The following DLGAP2 variants were observed in gnomAD, a reference collection of about 807,000 sequenced individuals.
DLGAP2 encodes the protein DLG associated protein 2.
In DLGAP2, 26 loss-of-function variants were observed where a neutral mutation model predicts 100.3. That is an observed-to-expected ratio of 0.26 (90% CI 0.19 to 0.36). The LOEUF is 0.36. DLGAP2 is among the 10% of genes least tolerant of loss of function. DLGAP2 has a pLI of 1.00. For synonymous variants in DLGAP2, 886 were observed against 630.1 expected (o/e 1.41, Z -6.08); for missense variants, 1,858 against 1,453.2 (o/e 1.28, Z -4.53).
intron 1 of DLGAP2, among the ~76,000 whole-genome samples, chr8:836,216 C>A (rs1334778942): frequency 2.0e-5 from 3 of 152,198 alleles, no homozygotes; most frequent in African/African-American, 7.2e-5. Flanking sequence ...CCGGAAAGCC[C>A]CGGCCGCCTC....
chr8:1,330,576 G>C (rs549104123), intron 3 of DLGAP2, among the ~76,000 whole-genome samples: 1 of 148,158 alleles, frequency 6.7e-6, no homozygotes. Flanking sequence ...ACTGAGTTCT[G>C]TGTGGGAGCA....
chr8:1,234,618 A>G (rs1798604729), intron 2 of DLGAP2, among the ~76,000 whole-genome samples: 1 of 152,198 alleles, frequency 6.6e-6, no homozygotes, highest in Non-Finnish European at 1.5e-5. Flanking sequence ...AGGCTGTTCT[A>G]GATGGTTTCA....
chr8:1,639,660 G>T (rs775217699), intron 8 of DLGAP2, among the ~76,000 whole-genome samples: 1 of 152,216 alleles, frequency 6.6e-6, no homozygotes, highest in Non-Finnish European at 1.5e-5. Flanking sequence ...CAGATGTGCC[G>T]TCTCACAGTC....
intron 2 of DLGAP2, among the ~76,000 whole-genome samples, chr8:1,117,993 T>C (rs1307916849): frequency 6.6e-6 from 1 of 152,244 alleles, no homozygotes; most frequent in Non-Finnish European, 1.5e-5. Flanking sequence ...CCAATGAAAT[T>C]ATAAAGCAAA....
At chr8:900,011 A>T (rs1798217993) in intron 1 of DLGAP2, among the ~76,000 whole-genome samples, 1 of 152,262 alleles carries the variant, frequency 6.6e-6, no homozygotes, top group Admixed American at 6.5e-5. Flanking sequence ...GAGAAAGCAG[A>T]ATATGTCTTT....
chr8:896,712 G>A (rs1048110867), intron 1 of DLGAP2, among the ~76,000 whole-genome samples: 7 of 152,094 alleles, frequency 4.6e-5, no homozygotes, highest in East Asian at 3.9e-4. Context: ...ATCTGAGCCC[G>A]GAAGTGGGTC....
intron 3 of DLGAP2, chr8:1,381,230 C>T (rs1042374376): frequency 7.9e-5 from 12 of 152,256 alleles, no homozygotes; most frequent in African/African-American, 2.9e-4. Flanking sequence ...GACATTTAAC[C>T]TCACCACCAA....
intron 2 of DLGAP2, among the ~76,000 whole-genome samples, chr8:1,217,410 A>T (rs1003901615): frequency 2.0e-5 from 3 of 152,136 alleles, no homozygotes; most frequent in Non-Finnish European, 4.4e-5. Flanking sequence ...TAGTTCTGTG[A>T]TGAACACAGG....
intron 2 of DLGAP2, among the ~76,000 whole-genome samples, chr8:1,192,350 A>G (rs59478164): frequency 0.2 from 30,051 of 152,216 alleles, 2,986 homozygotes; most frequent in East Asian, 0.23. Flanking sequence ...TGCATTGTGA[A>G]TACCTTGCGG....
At chr8:994,897 T>C (rs1800743625) in intron 2 of DLGAP2, among the ~76,000 whole-genome samples, 1 of 152,166 alleles carries the variant, frequency 6.6e-6, no homozygotes, top group Non-Finnish European at 1.5e-5. Flanking sequence ...TTTAATGACC[T>C]AGGAAATAGA....
intron 3 of DLGAP2, among the ~76,000 whole-genome samples, chr8:1,439,787 G>A (rs1483866493): frequency 6.6e-6 from 1 of 152,080 alleles, no homozygotes; most frequent in East Asian, 1.9e-4. Flanking sequence ...CTTCCGATGA[G>A]CCACGTGTGC....
At chr8:957,471 T>A (rs116694475) in intron 2 of DLGAP2, among the ~76,000 whole-genome samples, 12 of 152,358 alleles carry the variant, frequency 7.9e-5, no homozygotes, top group African/African-American at 2.9e-4. Flanking sequence ...CTCTCATATG[T>A]CCAAAACACC....
At chr8:1,511,417 G>T (rs180902021) in intron 4 of DLGAP2, among the ~76,000 whole-genome samples, 1 of 141,612 alleles carries the variant, frequency 7.1e-6, no homozygotes, top group Non-Finnish European at 1.5e-5. Flanking sequence ...GGGCTGTCTA[G>T]TGTAGGACAA....
chr8:1,570,048 G>C (rs764311689), intron 6 of DLGAP2, among the ~76,000 whole-genome samples: 10 of 152,220 alleles, frequency 6.6e-5, no homozygotes. Flanking sequence ...TCCCATAGTT[G>C]TCACTCTGTA....
chr8:1,044,605 T>C (rs2701923), intron 2 of DLGAP2, among the ~76,000 whole-genome samples: 45,357 of 152,152 alleles, frequency 0.3, 7,341 homozygotes, highest in Middle Eastern at 0.38. Context: ...GACAGTTGTT[T>C]CTCCCGCATG....
intron 2 of DLGAP2, among the ~76,000 whole-genome samples, chr8:981,310 T>A (rs1800325116): frequency 6.6e-6 from 1 of 152,168 alleles, no homozygotes; most frequent in Non-Finnish European, 1.5e-5. Flanking sequence ...ATTCTGTTGA[T>A]CCATGTACCT....
chr8:836,952 C>T (rs1274805590), intron 1 of DLGAP2, among the ~76,000 whole-genome samples: 1 of 152,242 alleles, frequency 6.6e-6, no homozygotes, highest in African/African-American at 2.4e-5. Context: ...TAGCAGATCC[C>T]ACCCTAACAT....
At chr8:1,460,234 C>T (rs6991976) in intron 3 of DLGAP2, among the ~76,000 whole-genome samples, 11 of 152,330 alleles carry the variant, frequency 7.2e-5, no homozygotes, top group African/African-American at 2.6e-4. Context: ...AGACCACTTG[C>T]TCCAATACAA....
chr8:1,282,313 C>T (rs1314477603), intron 3 of DLGAP2, among the ~76,000 whole-genome samples: 3 of 139,586 alleles, frequency 2.1e-5, no homozygotes, highest in African/African-American at 8.1e-5. Flanking sequence ...CTGAACCATC[C>T]GGACGTGGTG....
Sources: gnomAD v4.1 joint callset for allele counts (sites outside exome capture counted in the v4.1 genomes callset) on GRCh38, gnomAD v4.1.1 for gene constraint, MANE v1.5 for transcripts, NCBI Gene and HGNC (gene_info 2026-07-23, HGNC 2026-07-21) for gene names.